PDE11A: variants seen among roughly 807,000 people sequenced by gnomAD.
The protein encoded by PDE11A is dual 3',5'-cyclic-AMP and -GMP phosphodiesterase 11A.
PDE11A carries 100 observed loss-of-function variants against 100.5 expected under a neutral mutation model. The ratio of observed to expected loss-of-function variants is 1.00; its 90% CI spans 0.85 to 1.18. The LOEUF (loss-of-function observed/expected upper bound fraction) is 1.18. Among genes scored for constraint, PDE11A ranks in the 50% most tolerant of loss-of-function variants. The probability of loss-of-function intolerance (pLI) is 0.00; values close to 1 mark genes in which losing one functional copy is unlikely to be tolerated. For synonymous variants in PDE11A, 381 were observed against 420.8 expected (o/e 0.91, Z 1.16); for missense variants, 1,141 against 1,152.6 (o/e 0.99, Z 0.15).
chr2:177,898,876 T>C (rs1204093904), intron 3 of PDE11A, among the ~76,000 whole-genome samples: 4 of 152,308 alleles, frequency 2.6e-5, no homozygotes, highest in African/African-American at 9.6e-5. Context: ...CCCTATTAAA[T>C]TTCTTTACTT....
intron 2 of PDE11A, among the ~76,000 whole-genome samples, chr2:178,094,569 T>C (rs2087465762): frequency 6.6e-6 from 1 of 152,128 alleles, no homozygotes. Flanking sequence ...AAAATACACA[T>C]CTGAAATTAT....
At chr2:177,706,086 C>T in intron 13 of PDE11A, among the ~76,000 whole-genome samples, 1 of 152,058 alleles carries the variant, frequency 6.6e-6, no homozygotes, top group Non-Finnish European at 1.5e-5. Flanking sequence ...GTATGCACTC[C>T]AATACTTAAA....
intron 9 of PDE11A, among the ~76,000 whole-genome samples, chr2:177,793,237 T>G (rs1400170757): frequency 6.6e-6 from 1 of 152,166 alleles, no homozygotes; most frequent in Non-Finnish European, 1.5e-5. Flanking sequence ...TGACATTGTC[T>G]CATTAGTTTT....
intron 10 of PDE11A, among the ~76,000 whole-genome samples, chr2:177,740,637 G>GT (rs1334900649): frequency 2.0e-5 from 3 of 152,158 alleles, no homozygotes; most frequent in African/African-American, 7.2e-5. Context: ...CTCTGTGTTT[G>GT]TAACCACTAC....
At chr2:177,972,936 T>C (rs1044732207) in intron 2 of PDE11A, among the ~76,000 whole-genome samples, 1 of 152,158 alleles carries the variant, frequency 6.6e-6, no homozygotes, top group African/African-American at 2.4e-5. Context: ...ACAGCTCTGA[T>C]GAGAGATGGG....
intron 4 of PDE11A, among the ~76,000 whole-genome samples, chr2:177,876,257 A>G (rs1308648810): frequency 6.6e-6 from 1 of 152,228 alleles, no homozygotes; most frequent in East Asian, 1.9e-4. Flanking sequence ...TAACAACCCA[A>G]TCAACAGCAA....
intron 1 of PDE11A, among the ~76,000 whole-genome samples, chr2:178,064,566 G>A (rs1039759009): frequency 3.3e-5 from 5 of 151,900 alleles, no homozygotes; most frequent in African/African-American, 7.3e-5. Flanking sequence ...GCTTGCTAAC[G>A]AGCTGTGTGG....
At chr2:177,785,735 T>A (rs1421758496) in intron 9 of PDE11A, among the ~76,000 whole-genome samples, 2 of 152,118 alleles carry the variant, frequency 1.3e-5, no homozygotes, top group African/African-American at 4.8e-5. Flanking sequence ...GGAGATTATA[T>A]CCCACACATG....
intron 9 of PDE11A, among the ~76,000 whole-genome samples, chr2:177,770,282 C>A (rs1347522644): frequency 6.6e-6 from 1 of 152,204 alleles, no homozygotes; most frequent in African/African-American, 2.4e-5. Context: ...AAGGGCATGG[C>A]CTGAGAGGGG....
chr2:178,061,939 T>C (rs1379347761), intron 1 of PDE11A, among the ~76,000 whole-genome samples: 1 of 152,230 alleles, frequency 6.6e-6, no homozygotes, highest in African/African-American at 2.4e-5. Flanking sequence ...ACCTTTTTGT[T>C]CTTTAACATA....
intron 6 of PDE11A, 33 bp downstream of exon 6, chr2:177,840,218 A>C (rs775527080): frequency 6.2e-7 from 1 of 1,612,140 alleles, no homozygotes; most frequent in East Asian, 2.2e-5. Context: ...GACAACTGAA[A>C]CTTAGGATTG....
intron 4 of PDE11A, among the ~76,000 whole-genome samples, chr2:177,883,462 C>T (rs558716660): frequency 6.6e-6 from 1 of 152,162 alleles, no homozygotes; most frequent in Non-Finnish European, 1.5e-5. Context: ...CCTTGAGAAA[C>T]TCACAACACA....
At chr2:177,851,244 G>A (rs905320294) in intron 5 of PDE11A, among the ~76,000 whole-genome samples, 1 of 152,130 alleles carries the variant, frequency 6.6e-6, no homozygotes, top group African/African-American at 2.4e-5. Context: ...TAGGGACATG[G>A]ATGAAGCTGG....
At chr2:178,026,063 T>C (rs761666563) in intron 1 of PDE11A, among the ~76,000 whole-genome samples, 5 of 152,158 alleles carry the variant, frequency 3.3e-5, no homozygotes, top group Non-Finnish European at 7.3e-5. Flanking sequence ...AGAACAGATC[T>C]AACAGTGAGA....
At chr2:177,707,852 T>C (rs2081302329) in intron 13 of PDE11A, among the ~76,000 whole-genome samples, 1 of 152,202 alleles carries the variant, frequency 6.6e-6, no homozygotes, top group Admixed American at 6.5e-5. Context: ...GCCATTGGTA[T>C]CTGAGTATAA....
intron 1 of PDE11A, among the ~76,000 whole-genome samples, chr2:178,048,347 G>A (rs781532531): frequency 3.7e-4 from 56 of 152,246 alleles, no homozygotes; most frequent in Non-Finnish European, 6.6e-4. Context: ...GGCTGGGGGC[G>A]CGGCATGAAA....
intron 19 of PDE11A, among the ~76,000 whole-genome samples, chr2:177,639,902 C>A (rs1574088031): frequency 6.6e-6 from 1 of 152,084 alleles, no homozygotes; most frequent in African/African-American, 2.4e-5. Context: ...AAATTAAAAC[C>A]AGATTAGTGT....
intron 2 of PDE11A, among the ~76,000 whole-genome samples, chr2:177,909,766 T>C (rs1017399678): frequency 1.3e-5 from 2 of 149,614 alleles, no homozygotes; most frequent in African/African-American, 4.9e-5. Context: ...AGAGTATCTT[T>C]TAGCATTGGT....
At chr2:177,648,217 T>C (rs961237180) in intron 19 of PDE11A, among the ~76,000 whole-genome samples, 24 of 152,154 alleles carry the variant, frequency 1.6e-4, no homozygotes, top group African/African-American at 4.8e-5. Context: ...TAGCTGGCCT[T>C]CTCTTTGTCC....
Sources: gnomAD v4.1 joint callset for allele counts (sites outside exome capture counted in the v4.1 genomes callset) on GRCh38, gnomAD v4.1.1 for gene constraint, MANE v1.5 for transcripts, NCBI Gene and HGNC (gene_info 2026-07-23, HGNC 2026-07-21) for gene names.